CECR2: variants seen among roughly 807,000 people sequenced by gnomAD.
CECR2 encodes the protein chromatin remodeling regulator CECR2.
Under a neutral mutation model 154.5 loss-of-function variants are expected in CECR2, and 30 were observed. The observed-to-expected ratio is 0.19, with a 90% CI of 0.15 to 0.26. The LOEUF (loss-of-function observed/expected upper bound fraction) is 0.26. CECR2 is among the 10% of genes least tolerant of loss of function. The pLI, the probability that CECR2 is intolerant of heterozygous loss-of-function variation, is 1.00. For missense variants in CECR2, 1,743 were observed against 1,829.3 expected, an observed-to-expected ratio of 0.95 and a Z score of 0.86; for synonymous variants, 725 against 683.7, an observed-to-expected ratio of 1.06 and a Z score of -0.94.
At chr22:17,515,280 A>G (rs950005461) in intron 8 of CECR2, among the ~76,000 whole-genome samples, 2 of 152,132 alleles carry the variant, frequency 1.3e-5, no homozygotes, top group African/African-American at 4.8e-5. Flanking sequence ...ATTGTGGAGA[A>G]AGTGGTCTGA....
chr22:17,501,599 C>T (rs1383441160), intron 5 of CECR2, among the ~76,000 whole-genome samples: 1 of 152,108 alleles, frequency 6.6e-6, no homozygotes, highest in African/African-American at 2.4e-5. Context: ...CTGATTTTAA[C>T]TCAATCAGCA....
chr22:17,500,445 T>C (rs927400805), intron 4 of CECR2, among the ~76,000 whole-genome samples, 186 bp from the exon 5 acceptor site: 2 of 152,148 alleles, frequency 1.3e-5, no homozygotes, highest in African/African-American at 4.8e-5. Context: ...ATTTTAGTAT[T>C]GCAAAATGTT....
At chr22:17,503,736 T>G (rs1383078425) in intron 6 of CECR2, among the ~76,000 whole-genome samples, 1 of 152,240 alleles carries the variant, frequency 6.6e-6, no homozygotes, top group East Asian at 1.9e-4. Flanking sequence ...AAACCAGAAG[T>G]ATACATTGTC....
At chr22:17,524,639 G>T (rs563053362) in intron 9 of CECR2, among the ~76,000 whole-genome samples, 1 of 135,806 alleles carries the variant, frequency 7.4e-6, no homozygotes, top group South Asian at 2.4e-4. Context: ...TAATCTGCCC[G>T]CCTTGGCCTC....
intron 1 of CECR2, 41 bp from the exon 2 acceptor site, chr22:17,477,547 T>A (rs771231046): frequency 2.8e-5 from 38 of 1,351,110 alleles, no homozygotes; most frequent in South Asian, 1.2e-5. Context: ...TTTTAAGAAA[T>A]CTCTGTTTGA....
chr22:17,394,300 TCAAA>T (rs933713296), intron 1 of CECR2, among the ~76,000 whole-genome samples: 8 of 146,280 alleles, frequency 5.5e-5, no homozygotes, highest in South Asian at 2.2e-4. Flanking sequence ...AACCCTGGGC[TCAAA>T]CAGTCTTCCC....
intron 1 of CECR2, among the ~76,000 whole-genome samples, chr22:17,431,584 A>G (rs1260519558): frequency 3.9e-5 from 6 of 152,230 alleles, no homozygotes; most frequent in Non-Finnish European, 8.8e-5. Context: ...CCTTGCTTTT[A>G]TATACTACTG....
intron 17 of CECR2, among the ~76,000 whole-genome samples, chr22:17,551,747 A>G (rs1175275304): frequency 1.3e-5 from 2 of 152,100 alleles, no homozygotes; most frequent in South Asian, 2.1e-4. Context: ...GCAGTAAACC[A>G]TGATCCTGCC....
chr22:17,543,021 T>C lies in CECR2; in HGVS notation c.2860+18T>C. 1.3e-6 allele frequency: 2 copies of C among 1,577,662 alleles called. No homozygotes were observed. The highest frequency in any genetic ancestry group is 1.7e-6 in the Non-Finnish European group (2 of 1,160,616). On this transcript the variant is annotated intron_variant, in intron 16 of 18. Transcript: ENST00000262608. Reference sequence around the variant, plus strand: ...TGACCAAGGTAATTTACACTGTCACTTTGGGCTCTTTAAGCTCTTGTTTCA... The same window carrying C: ...TGACCAAGGTAATTTACACTGTCACCTTGGGCTCTTTAAGCTCTTGTTTCA...
At chr22:17,529,168 G>C (rs1656103392) in intron 9 of CECR2, among the ~76,000 whole-genome samples, 1 of 152,222 alleles carries the variant, frequency 6.6e-6, no homozygotes, top group African/African-American at 2.4e-5. Context: ...GTGAGTGCCT[G>C]AAGCGGAAGG....
intron 3 of CECR2, 85 bp from the exon 4 acceptor site, chr22:17,499,325 T>C: frequency 1.3e-6 from 2 of 1,492,666 alleles, no homozygotes; most frequent in Non-Finnish European, 1.8e-6. Context: ...TATGCTTACG[T>C]GTAAATTTGG....
At chr22:17,525,706 C>G (rs890565697) in intron 9 of CECR2, among the ~76,000 whole-genome samples, 2 of 152,160 alleles carry the variant, frequency 1.3e-5, no homozygotes, top group African/African-American at 4.8e-5. Flanking sequence ...TTGGCTATGT[C>G]CAGTGCCACA....
chr22:17,386,364 A>T (rs1387228204), intron 1 of CECR2, among the ~76,000 whole-genome samples: 10 of 125,362 alleles, frequency 8.0e-5, no homozygotes, highest in Admixed American at 1.6e-4. Context: ...AGGGCGTTTT[A>T]AAAAAAAACT....
At chr22:17,504,432 T>C (rs921276522) in intron 6 of CECR2, among the ~76,000 whole-genome samples, 3 of 148,382 alleles carry the variant, frequency 2.0e-5, no homozygotes, top group Non-Finnish European at 4.5e-5. Flanking sequence ...TTATTTTTTT[T>C]ATTTTTATTT....
chr22:17,465,058 G>A (rs928314880), intron 1 of CECR2, among the ~76,000 whole-genome samples: 9 of 147,592 alleles, frequency 6.1e-5, no homozygotes, highest in Admixed American at 1.4e-4. Flanking sequence ...GTGCAGTGGC[G>A]CGATCTCAGC....
chr22:17,448,821 C>T (rs1479264471), intron 1 of CECR2, among the ~76,000 whole-genome samples: 1 of 152,148 alleles, frequency 6.6e-6, no homozygotes, highest in Admixed American at 6.6e-5. Flanking sequence ...CCTCCTAATA[C>T]TGTCAGGCCT....
chr22:17,437,601 T>C (rs969831592), intron 1 of CECR2, among the ~76,000 whole-genome samples: 4 of 152,232 alleles, frequency 2.6e-5, no homozygotes, highest in Non-Finnish European at 5.9e-5. Flanking sequence ...AGATTTTTCA[T>C]AGTATATTAC....
intron 18 of CECR2, 82 bp from the exon 19 acceptor site, chr22:17,552,753 G>T: frequency 9.5e-7 from 1 of 1,053,894 alleles, no homozygotes; most frequent in Non-Finnish European, 1.3e-6. Context: ...GAGGAGCTTG[G>T]ACATTCTTTG....
chr22:17,501,715 A>G (rs752291909), intron 5 of CECR2, among the ~76,000 whole-genome samples: 21 of 152,134 alleles, frequency 1.4e-4, no homozygotes, highest in Non-Finnish European at 2.9e-4. Flanking sequence ...TTATGTATCA[A>G]CACCTGTTTC....
Sources: allele counts gnomAD v4.1 joint callset (sites outside exome capture counted in the v4.1 genomes callset), GRCh38; gene constraint gnomAD v4.1.1; transcripts MANE v1.5; gene names NCBI Gene and HGNC (gene_info 2026-07-23, HGNC 2026-07-21).